MCTP2: variants seen among roughly 807,000 people sequenced by gnomAD.
MCTP2 encodes multiple C2 and transmembrane domain-containing protein 2.
In MCTP2, 132 loss-of-function variants were observed where a neutral mutation model predicts 111.6. The observed-to-expected ratio is 1.18, with a 90% confidence interval of 1.03 to 1.37. The LOEUF (loss-of-function observed/expected upper bound fraction) is 1.37, where lower values mean the gene tolerates loss of function less well. MCTP2 is among the 40% of genes most tolerant of loss of function. MCTP2 has a pLI of 0.00. For synonymous variants in MCTP2, 395 were observed against 387.7 expected, an observed-to-expected ratio of 1.02 and a Z score of -0.22; for missense variants, 1,183 against 1,067.9, an observed-to-expected ratio of 1.11 and a Z score of -1.50.
intron 19 of MCTP2, among the ~76,000 whole-genome samples, chr15:94,448,079 GT>G (rs1056779167): frequency 2.0e-5 from 3 of 152,292 alleles, no homozygotes; most frequent in African/African-American, 7.2e-5. Context: ...GTTTATGCAT[GT>G]TTTGGATGAG....
At chr15:94,369,827 G>A (rs1284674774) in intron 11 of MCTP2, among the ~76,000 whole-genome samples, 1 of 152,154 alleles carries the variant, frequency 6.6e-6, no homozygotes, top group Non-Finnish European at 1.5e-5. Context: ...CACCAGGGGC[G>A]ATGTTAAAAG....
At chr15:94,358,675 T>TTTAGAAACA in intron 10 of MCTP2, 63 bp downstream of exon 10, 3 of 1,584,936 alleles carry the variant, frequency 1.9e-6, no homozygotes, top group Non-Finnish European at 2.6e-6. Flanking sequence ...TTCTGAGAGG[T>TTTAGAAACA]GATCTTTATC....
intron 4 of MCTP2, among the ~76,000 whole-genome samples, chr15:94,322,429 G>A (rs2076673097): frequency 6.6e-6 from 1 of 152,106 alleles, no homozygotes. Context: ...ACATGGATTA[G>A]TAGACTTTTT....
At chr15:94,386,853 A>C (rs1162094085) in intron 14 of MCTP2, among the ~76,000 whole-genome samples, 1 of 152,020 alleles carries the variant, frequency 6.6e-6, no homozygotes, top group African/African-American at 2.4e-5. Flanking sequence ...TGTACCTAAA[A>C]GTTTTGTGTG....
chr15:94,309,577 A>G (rs1366887143), intron 2 of MCTP2, among the ~76,000 whole-genome samples: 2 of 152,238 alleles, frequency 1.3e-5, no homozygotes, highest in Non-Finnish European at 2.9e-5. Flanking sequence ...GTACAGGATC[A>G]CATTTAGTGT....
At position 94,479,424 on chromosome 15, in the gene MCTP2, G is replaced by C. The variant is rs911913129; in HGVS notation, c.*390G>C. ...TCCAACAGACTCTCATTAAGATTCAGTTATTTCCGCTCCCCAGCCCCACAC... is the reference window on the plus strand; with the variant it reads ...TCCAACAGACTCTCATTAAGATTCACTTATTTCCGCTCCCCAGCCCCACAC... On this transcript the variant is annotated 3_prime_UTR_variant, in exon 23 of 23. Coordinates refer to ENST00000357742, the MANE Select transcript of MCTP2 (RefSeq NM_001385001.1). The C allele has an allele frequency of 9.1e-6, 2 of 219,016 alleles. No homozygotes were observed. Among genetic ancestry groups the C allele is most frequent in the African/African-American group, 4.4e-5 (2 of 45,038 alleles). The allele number at this position is 219,016 out of a possible 1,614,324, so 13.6% of individuals were successfully genotyped here. A position where few individuals can be genotyped will look rare whatever the true frequency, so the allele number is the denominator to read the frequency against.
At chr15:94,325,717 C>G (rs1386273124) in intron 4 of MCTP2, among the ~76,000 whole-genome samples, 1 of 151,820 alleles carries the variant, frequency 6.6e-6, no homozygotes, top group East Asian at 1.9e-4. Context: ...TAAATTTGAC[C>G]TAGAAAATGC....
chr15:94,449,341 A>G (rs1054284040), intron 19 of MCTP2, among the ~76,000 whole-genome samples: 29 of 152,232 alleles, frequency 1.9e-4, no homozygotes, highest in African/African-American at 6.8e-4. Context: ...CTTGTCTACA[A>G]ATGAACAAAC....
At chr15:94,264,459 A>T (rs1263971386) in intron 1 of MCTP2, among the ~76,000 whole-genome samples, 1 of 152,074 alleles carries the variant, frequency 6.6e-6, no homozygotes, top group Non-Finnish European at 1.5e-5. Context: ...ATACAAAAAA[A>T]TTAGCTGGGC....
Position 94,479,908 on chromosome 15 carries a change from G to A in MCTP2, c.*874G>A, listed in dbSNP as rs1398226492. ...AAAGATAAGAAACTGAAGACCGAGA[G>A]ACTAATAAGGCTGCTTACCTAATTA... On this transcript the variant is annotated 3_prime_UTR_variant, in exon 23 of 23. Coordinates refer to ENST00000357742, the MANE Select transcript of MCTP2 (RefSeq NM_001385001.1). 1 of 152,174 alleles carries A rather than the reference G, an allele frequency of 6.6e-6. No homozygotes were observed. The highest frequency in any genetic ancestry group is 2.4e-5 in the African/African-American group (1 of 41,438). 9.4% of individuals were successfully genotyped at this position (152,174 alleles called of 1,614,324 possible).
intron 3 of MCTP2, 41 bp from the exon 4 acceptor site, chr15:94,315,488 C>T (rs1360823248): frequency 3.5e-6 from 5 of 1,423,866 alleles, no homozygotes; most frequent in African/African-American, 2.8e-5. Flanking sequence ...CTTGCTTGGG[C>T]CCAAGACATA....
chr15:94,272,139 A>G (rs1315347168), intron 1 of MCTP2, among the ~76,000 whole-genome samples: 4 of 152,258 alleles, frequency 2.6e-5, no homozygotes, highest in African/African-American at 9.6e-5. Context: ...GGTTTAATCT[A>G]GGGCCAATAA....
At chr15:94,244,728 G>A (rs748423533) in intron 1 of MCTP2, among the ~76,000 whole-genome samples, 3 of 145,078 alleles carry the variant, frequency 2.1e-5, no homozygotes, top group East Asian at 2.0e-4. Context: ...GTTTATATTC[G>A]TATATGTATA....
rs1471531199 is a variant in MCTP2, at chr15:94,388,434, A to C, written c.1788+2909A>C. Among the ~76,000 whole-genome samples the C allele has an allele frequency of 3.3e-5, 5 of 152,360 alleles. No individual in the cohort carries two copies. In the South Asian group the frequency reaches 1.0e-3, roughly 32 times the overall value. Reference sequence around the variant, plus strand: ...GGCTCTCCCTGAAATTCAGTGGTCCACCTGCAACATTCCCTCTCCAAATGA... The same window carrying C: ...GGCTCTCCCTGAAATTCAGTGGTCCCCCTGCAACATTCCCTCTCCAAATGA... On this transcript the variant is annotated intron_variant, in intron 14 of 22. Coordinates refer to ENST00000357742, the MANE Select transcript of MCTP2 (RefSeq NM_001385001.1).
intron 1 of MCTP2, among the ~76,000 whole-genome samples, chr15:94,244,910 C>G (rs943411247): frequency 9.1e-6 from 1 of 110,382 alleles, no homozygotes. Context: ...ACATATGCAC[C>G]TATGTTTATA....
At chr15:94,306,778 T>TTAAAGAA in intron 2 of MCTP2, among the ~76,000 whole-genome samples, 1 of 152,314 alleles carries the variant, frequency 6.6e-6, no homozygotes, top group African/African-American at 2.4e-5. Flanking sequence ...TGGCATGCAC[T>TTAAAGAA]TACGTGGGTG....
intron 17 of MCTP2, among the ~76,000 whole-genome samples, chr15:94,421,309 G>A (rs576832332): frequency 1.2e-4 from 18 of 152,118 alleles, no homozygotes; most frequent in African/African-American, 2.4e-4. Flanking sequence ...TTTTTGCTTC[G>A]TTGTGGTTGT....
chr15:94,390,176 A>G (rs1359920740), intron 14 of MCTP2, among the ~76,000 whole-genome samples: 6 of 149,778 alleles, frequency 4.0e-5, no homozygotes, highest in Non-Finnish European at 7.4e-5. Context: ...CCAATGGGCT[A>G]TCCTTCCATA....
intron 12 of MCTP2, among the ~76,000 whole-genome samples, chr15:94,381,519 A>T (rs1327600300): frequency 6.6e-6 from 1 of 152,172 alleles, no homozygotes; most frequent in Admixed American, 6.5e-5. Context: ...GAACGAGCCC[A>T]CCTGTGCCTC....
Sources: gnomAD v4.1 joint callset for allele counts (sites outside exome capture counted in the v4.1 genomes callset) on GRCh38, gnomAD v4.1.1 for gene constraint, MANE v1.5 for transcripts, NCBI Gene and HGNC (gene_info 2026-07-23, HGNC 2026-07-21) for gene names.